The following CASD1 variants were observed in gnomAD, a reference collection of about 807,000 sequenced individuals.
CASD1 encodes N-acetylneuraminate (7)9-O-acetyltransferase.
Under a neutral mutation model 100.0 loss-of-function variants are expected in CASD1, and 41 were observed. The observed-to-expected ratio is 0.41, with a 90% CI of 0.32 to 0.53. CASD1 has a LOEUF of 0.53. Among genes scored for constraint, CASD1 ranks in the 20% least tolerant of loss-of-function variants. The pLI is 0.25. For missense variants in CASD1, 774 were observed against 948.7 expected, an observed-to-expected ratio of 0.82 and a Z score of 2.42; for synonymous variants, 321 against 315.6, an observed-to-expected ratio of 1.02 and a Z score of -0.18.
rs147586990 is a variant in CASD1 at position 94,547,149 on chromosome 7, T to C, written c.1687T>C (p.Phe563Leu). ...GTTGAAACTAGGCTTTTTGCTGTTA[T>C]TCATATGTTTTTTGGCATATTCTCA... is the stretch of plus-strand genomic sequence containing the variant. ...LLLKLGFLLL[F>L]ICFLAYSQGA... The change falls in exon 13 of 18, where the codon TTC becomes CTC. Residue 563 changes from phenylalanine (F) to leucine (L), a missense_variant. By Grantham distance (22) the Phe-to-Leu change is conservative. Transcript: ENST00000297273. 778 of 1,592,956 alleles carry C rather than the reference T, an allele frequency of 4.9e-4. 2 individuals carry two copies. The highest frequency in any genetic ancestry group is 1.2e-3 in the South Asian group (105 of 85,690).
intron 3 of CASD1, among the ~76,000 whole-genome samples, chr7:94,526,209 C>T (rs1444513999): frequency 6.6e-6 from 1 of 152,216 alleles, no homozygotes; most frequent in African/African-American, 2.4e-5. Context: ...TCTTGCTTAG[C>T]GTTGCATGTC....
chr7:94,518,111 T>C (rs1794069944), intron 2 of CASD1, 92 bp from the exon 3 acceptor site: 2 of 1,264,666 alleles, frequency 1.6e-6, no homozygotes, highest in Non-Finnish European at 2.2e-6. Flanking sequence ...TGTGTAACAA[T>C]CTGGATCAAC....
At chr7:94,587,716 A>G in the CASD1 span, 41 of 1,534,120 alleles carry the variant, frequency 2.7e-5, no homozygotes, top group South Asian at 4.8e-4. Context: ...TCAAAATTGT[A>G]GGGAAAAATT....
the CASD1 span, among the ~76,000 whole-genome samples, chr7:94,606,191 G>A: frequency 6.6e-6 from 1 of 152,134 alleles, no homozygotes; most frequent in Non-Finnish European, 1.5e-5. Flanking sequence ...GACTGTCAGA[G>A]TGGATTGAAA....
the CASD1 span, among the ~76,000 whole-genome samples, chr7:94,595,908 GTAATT>G: frequency 3.9e-5 from 6 of 152,206 alleles, no homozygotes; most frequent in Admixed American, 3.3e-4. Context: ...GACACCGAAT[GTAATT>G]TAATTTTCCT....
the CASD1 span, chr7:94,588,346 T>C: frequency 9.1e-7 from 1 of 1,104,196 alleles, no homozygotes; most frequent in Non-Finnish European, 1.1e-6. Context: ...GCTCACTTAC[T>C]GAGACAAATC....
intron 5 of CASD1, 43 bp downstream of exon 5, chr7:94,528,293 A>C: frequency 7.5e-7 from 1 of 1,332,092 alleles, no homozygotes; most frequent in Non-Finnish European, 1.0e-6. Flanking sequence ...TTTTATTTTT[A>C]TTCCCTTTAC....
At chr7:94,519,847 A>G (rs1466318767) in intron 3 of CASD1, among the ~76,000 whole-genome samples, 1 of 152,196 alleles carries the variant, frequency 6.6e-6, no homozygotes, top group Non-Finnish European at 1.5e-5. Flanking sequence ...TCTGATTACT[A>G]TGAAGGTTTT....
chr7:94,624,496 T>C, the CASD1 span: 2 of 327,478 alleles, frequency 6.1e-6, no homozygotes, highest in Non-Finnish European at 1.1e-5. Flanking sequence ...CTCTCCAGGA[T>C]TTGCCAAATT....
the CASD1 span, chr7:94,603,349 T>C: frequency 9.3e-6 from 15 of 1,612,778 alleles, no homozygotes; most frequent in East Asian, 6.7e-5. Context: ...TCACATGTTA[T>C]TACAGGCTCC....
chr7:94,523,651 T>G (rs759690118), intron 3 of CASD1, among the ~76,000 whole-genome samples: 1 of 152,190 alleles, frequency 6.6e-6, no homozygotes, highest in Non-Finnish European at 1.5e-5. Context: ...ATCTGTAGGT[T>G]CAGTGTAATT....
chr7:94,605,334 A>G, the CASD1 span, among the ~76,000 whole-genome samples: 1 of 151,174 alleles, frequency 6.6e-6, no homozygotes, highest in Admixed American at 6.6e-5. Context: ...TCAGATCTAC[A>G]TAAAGAAAAG....
At position 94,510,167 on chromosome 7, in the gene CASD1, T is replaced by G; in HGVS notation, c.83T>G (p.Val28Gly). Residue 28 changes from valine to glycine, a missense_variant, in exon 1 of 18, where the codon GTG (valine) becomes GGG (glycine). This residue lies in a region of CASD1 where 75 missense variants were observed against 60.9 expected (regional missense o/e 1.23). Coordinates refer to ENST00000297273, the MANE Select transcript of CASD1 (RefSeq NM_022900.5). ...SVRSAKVLAL[V>G]AVLLLAACHL... is the part of the protein sequence containing the mutation. ...AGGAGCGCCAAGGTGCTGGCGCTGG[T>G]GGCCGTGCTGCTGCTCGCAGCGTGC... 6.6e-7 allele frequency: 1 copy of G among 1,524,608 alleles called. No individual in the cohort carries two copies. Among genetic ancestry groups the G allele is most frequent in the East Asian group, 2.6e-5 (1 of 38,528 alleles). 94.4% of individuals were successfully genotyped at this position (1,524,608 alleles called of 1,614,324 possible).
the CASD1 span, chr7:94,589,852 A>G: frequency 1.1e-3 from 177 of 161,218 alleles, 1 homozygote; most frequent in Admixed American, 2.7e-3. Flanking sequence ...ATATATTACA[A>G]TGTAATAATA....
the CASD1 span, among the ~76,000 whole-genome samples, chr7:94,591,787 G>A: frequency 1.3e-5 from 2 of 152,162 alleles, no homozygotes; most frequent in African/African-American, 4.8e-5. Context: ...GCTGGGCTAG[G>A]TGAAAAGACA....
At chr7:94,513,028 G>C (rs1793792362) in intron 1 of CASD1, among the ~76,000 whole-genome samples, 1 of 151,272 alleles carries the variant, frequency 6.6e-6, no homozygotes, top group Non-Finnish European at 1.5e-5. Context: ...GGAAGCATGG[G>C]TTAAACAACT....
At chr7:94,518,010 C>G (rs992098303) in intron 2 of CASD1, among the ~76,000 whole-genome samples, 193 bp from the exon 3 acceptor site, 4 of 152,116 alleles carry the variant, frequency 2.6e-5, no homozygotes, top group Non-Finnish European at 5.9e-5. Context: ...TGTAATGTAT[C>G]GAGCTATTAC....
At chr7:94,630,076 A>G in the CASD1 span, among the ~76,000 whole-genome samples, 2 of 151,994 alleles carry the variant, frequency 1.3e-5, no homozygotes, top group Non-Finnish European at 2.9e-5. Context: ...AACACTACAT[A>G]GACAAAATTA....
At chr7:94,515,788 A>G (rs1057417700) in intron 1 of CASD1, among the ~76,000 whole-genome samples, 1 of 152,172 alleles carries the variant, frequency 6.6e-6, no homozygotes. Flanking sequence ...ACCTTAAAGG[A>G]TTAACACCTA....
Sources: allele counts gnomAD v4.1 joint callset (sites outside exome capture counted in the v4.1 genomes callset), GRCh38; gene constraint gnomAD v4.1.1; regional missense constraint gnomAD v4.1.1; transcripts MANE v1.5; gene names NCBI Gene and HGNC (gene_info 2026-07-23, HGNC 2026-07-21).